The following ADCK2 variants were observed in gnomAD, a reference collection of about 807,000 sequenced individuals.
ADCK2 encodes uncharacterized aarF domain-containing protein kinase 2.
In ADCK2, 37 loss-of-function variants were observed where a neutral mutation model predicts 52.3. The observed-to-expected ratio is 0.71, with a 90% CI of 0.54 to 0.93. The LOEUF is 0.93. Ranked by LOEUF, ADCK2 falls within the 40% of genes least tolerant of loss-of-function variation. The pLI, the probability that ADCK2 is intolerant of heterozygous loss-of-function variation, is 0.00. For synonymous variants in ADCK2, 321 were observed against 349.2 expected (o/e 0.92, Z 0.90); for missense variants, 695 against 798.7 (o/e 0.87, Z 1.56).
intron 2 of ADCK2, among the ~76,000 whole-genome samples, chr7:140,675,670 G>A (rs1011843883): frequency 6.6e-6 from 1 of 152,224 alleles, no homozygotes; most frequent in African/African-American, 2.4e-5. Context: ...GTGAGCTTGG[G>A]AAATACAGTC....
intron 7 of ADCK2, among the ~76,000 whole-genome samples, chr7:140,691,535 A>C (rs1794702272): frequency 1.3e-5 from 2 of 151,948 alleles, no homozygotes; most frequent in Non-Finnish European, 2.9e-5. Context: ...CCCTAGCGGG[A>C]CTGCTGTGGC....
rs1292300382 is a variant in ADCK2 at position 140,674,204 on chromosome 7, C to T, written c.874C>T (p.Arg292Trp). 17 of 1,613,872 alleles carry T rather than the reference C, an allele frequency of 1.1e-5. No individual in the cohort carries two copies. The highest frequency in any genetic ancestry group is 6.7e-5 in the Admixed American group (4 of 59,998). The change falls in exon 1 of 8, where the codon CGG (arginine) becomes TGG (tryptophan). Residue 292 changes from arginine to tryptophan, a missense_variant. Transcript: ENST00000072869. This position sits in a 1 kb window ranked among gnomAD's most constrained non-coding sequence, Gnocchi z 4.6. ...DLVGSNAGVS[R>W]AQVPGHQPEA... ...GGTTGGATCAAATGCAGGGGTGTCT[C>T]GGGCTCAGGTCCCTGGCCACCAACC... is the stretch of plus-strand genomic sequence containing the variant.
chr7:140,681,250 C>A, intron 4 of ADCK2, 113 bp downstream of exon 4: 1 of 949,348 alleles, frequency 1.1e-6, no homozygotes, highest in Non-Finnish European at 1.7e-6. Flanking sequence ...AGCAAGCCGC[C>A]AGGTTGAGAA....
intron 2 of ADCK2, among the ~76,000 whole-genome samples, chr7:140,675,359 G>C (rs964360460): frequency 2.6e-5 from 4 of 152,142 alleles, no homozygotes; most frequent in African/African-American, 7.2e-5. Context: ...TGTCCAGGCT[G>C]ATTTTGAACT....
At chr7:140,681,644 G>A (rs1794518927) in intron 4 of ADCK2, among the ~76,000 whole-genome samples, 1 of 150,622 alleles carries the variant, frequency 6.6e-6, no homozygotes, top group Admixed American at 6.6e-5. Flanking sequence ...TTAAGATAGG[G>A]TCTCACTCTG....
chr7:140,676,904 T>C (rs1044997691), intron 2 of ADCK2, among the ~76,000 whole-genome samples: 2 of 152,032 alleles, frequency 1.3e-5, no homozygotes, highest in Non-Finnish European at 2.9e-5. Context: ...TCACCTGTAG[T>C]CCCAGCTACT....
chr7:140,682,112 C>T (rs539189105), intron 4 of ADCK2, among the ~76,000 whole-genome samples: 8 of 152,308 alleles, frequency 5.3e-5, no homozygotes, highest in African/African-American at 1.7e-4. Context: ...GAATTAAGGG[C>T]TGGGGTTACA....
chr7:140,683,099 G>A lies in ADCK2; in HGVS notation c.1305+1962G>A, dbSNP rs373600950. Among the ~76,000 whole-genome samples the A allele has an allele frequency of 1.2e-4, 18 of 151,038 alleles. 1 individual carries two copies. In the South Asian group the frequency reaches 2.3e-3, roughly 19 times the overall value. ...AGGTGGATCACGAGGTCAGGAGATCGAGACCATCCTGGCCAACATGGTGAA... is the reference window on the plus strand; with the variant it reads ...AGGTGGATCACGAGGTCAGGAGATCAAGACCATCCTGGCCAACATGGTGAA... On this transcript the variant is annotated intron_variant, in intron 4 of 7. Coordinates refer to ENST00000072869, the MANE Select transcript of ADCK2 (RefSeq NM_052853.4).
rs761270477 is a variant in ADCK2, at chr7:140,689,651, G to A, written c.1612G>A (p.Asp538Asn). 3 of 1,613,472 alleles carry A rather than the reference G, an allele frequency of 1.9e-6. No individual in the cohort carries two copies. Among genetic ancestry groups the A allele is most frequent in the Non-Finnish European group, 1.7e-6 (2 of 1,179,632 alleles). Reference sequence around the variant, plus strand: ...TCATGCCCGGGCCAGCGAGTGCAGGGACGTGGAGGGGTTCAAAACCGAGAT... The same window carrying A: ...TCATGCCCGGGCCAGCGAGTGCAGGAACGTGGAGGGGTTCAAAACCGAGAT... Reference protein sequence around the residue: ...LHHARASECRDVEGFKTEMAM... With the variant: ...LHHARASECRNVEGFKTEMAM... Residue 538 changes from aspartate to asparagine, a missense_variant, in exon 6 of 8, where the codon GAC (aspartate) becomes AAC (asparagine). Asp to Asn is a conservative substitution (Grantham distance 23). Transcript: ENST00000072869.
chr7:140,674,550 C>T lies in ADCK2; in HGVS notation c.934-61C>T, dbSNP rs547206281. 2 of 1,566,120 alleles carry T rather than the reference C, an allele frequency of 1.3e-6. No homozygotes were observed. Among genetic ancestry groups the T allele is most frequent in the East Asian group, 2.3e-5 (1 of 44,202 alleles). On this transcript the variant is annotated intron_variant, in intron 1 of 7. Transcript: ENST00000072869. This position sits in a 1 kb window ranked among gnomAD's most constrained non-coding sequence, Gnocchi z 4.6. ...TCTTGCTTGGATGGTGGGACCCAGCCCTGGCTGGGTAAAATGTGTCCAGCA... is the reference window on the plus strand; with the variant it reads ...TCTTGCTTGGATGGTGGGACCCAGCTCTGGCTGGGTAAAATGTGTCCAGCA...
intron 5 of ADCK2, among the ~76,000 whole-genome samples, chr7:140,689,001 T>A (rs1794657226): frequency 6.6e-6 from 1 of 151,918 alleles, no homozygotes; most frequent in Non-Finnish European, 1.5e-5. Flanking sequence ...GGAATCTCAC[T>A]CTGTTCCCTG....
chr7:140,678,345 C>T lies in ADCK2; in HGVS notation c.1081-810C>T, dbSNP rs569074923. On this transcript the variant is annotated intron_variant, in intron 2 of 7. Coordinates refer to ENST00000072869, the MANE Select transcript of ADCK2 (RefSeq NM_052853.4). This position sits in a 1 kb window ranked among gnomAD's most constrained non-coding sequence, Gnocchi z 4.9. ...AGCTTCAGGGTCTCTGGGCTCCCAC[C>T]GGGCCACATCCAGGTGTCATTGGAT... Among the ~76,000 whole-genome samples the T allele has an allele frequency of 4.7e-4, 71 of 152,196 alleles. No homozygotes were observed. The highest frequency in any genetic ancestry group is 8.1e-4 in the Non-Finnish European group (55 of 68,008).
rs1585838638 is a variant in ADCK2, at chr7:140,673,051, G to C, written c.-280G>C. The C allele has an allele frequency of 9.9e-6, 2 of 202,038 alleles. No homozygotes were observed. The highest frequency in any genetic ancestry group is 1.2e-4 in the East Asian group (1 of 8,118). 12.5% of individuals were successfully genotyped at this position (202,038 alleles called of 1,614,324 possible). Reference sequence around the variant, plus strand: ...CCCTCGCTCAGGTCGCGGGCGCCCGGGGCCTGGCTTCGCGTGGGTCCTGGC... The same window carrying C: ...CCCTCGCTCAGGTCGCGGGCGCCCGCGGCCTGGCTTCGCGTGGGTCCTGGC... On this transcript the variant is annotated 5_prime_UTR_variant, in exon 1 of 8. Coordinates refer to ENST00000072869, the MANE Select transcript of ADCK2 (RefSeq NM_052853.4). The surrounding 1 kb of genome is among the most constrained non-coding windows in gnomAD (Gnocchi z 6.4).
chr7:140,686,662 C>T (rs1294793459), intron 4 of ADCK2, among the ~76,000 whole-genome samples: 1 of 152,158 alleles, frequency 6.6e-6, no homozygotes, highest in East Asian at 1.9e-4. Context: ...TCTGTGTAAC[C>T]TTGAACTCCT....
chr7:140,690,763 C>T lies in ADCK2; in HGVS notation c.1690C>T (p.His564Tyr), dbSNP rs1181261291. 6.2e-7 allele frequency: 1 copy of T among 1,613,428 alleles called. No homozygotes were observed. The highest frequency in any genetic ancestry group is 2.2e-5 in the East Asian group (1 of 44,866). The change falls in exon 7 of 8, where the codon CAT becomes TAT. Residue 564 changes from histidine (H) to tyrosine (Y), a missense_variant. His to Tyr is a moderately conservative substitution (Grantham distance 83). Transcript: ENST00000072869. ...RKNTITLEKLHVSSLLSSVFK... is the reference protein window; with the variant it reads ...RKNTITLEKLYVSSLLSSVFK... ...AGCCTTTATTTTGTTTTTCCAGCTT[C>T]ATGTGTCCAGCCTTCTCTCTAGTGT...
intron 5 of ADCK2, among the ~76,000 whole-genome samples, chr7:140,688,470 AG>A (rs749050083): frequency 6.6e-6 from 1 of 152,188 alleles, no homozygotes; most frequent in Non-Finnish European, 1.5e-5. Context: ...GCTGCCCTTA[AG>A]GGGCTTTCTG....
chr7:140,679,145 T>G lies in ADCK2; in HGVS notation c.1081-10T>G. ...ACTAGCCCTCATCCTTTCTGTCCAT[T>G]TCTCTGTAGATTGACCTGCGTTACG... On this transcript the variant is annotated splice_polypyrimidine_tract_variant and intron_variant, in intron 2 of 7. Coordinates refer to ENST00000072869, the MANE Select transcript of ADCK2 (RefSeq NM_052853.4). 1 of 1,613,926 alleles carries G rather than the reference T, an allele frequency of 6.2e-7. No individual in the cohort carries two copies. Among genetic ancestry groups the G allele is most frequent in the Non-Finnish European group, 8.5e-7 (1 of 1,179,882 alleles).
At position 140,693,233 on chromosome 7, in the gene ADCK2, C is replaced by T. The variant is rs1306003079; in HGVS notation, c.1741-1430C>T. ...TAATCCACACTAAGAACCCCCCACCCAGCTTCAGAATGAAAGCATTCCCAG... is the reference window on the plus strand; with the variant it reads ...TAATCCACACTAAGAACCCCCCACCTAGCTTCAGAATGAAAGCATTCCCAG... On this transcript the variant is annotated intron_variant, in intron 7 of 7. Transcript: ENST00000072869. This position sits in a 1 kb window ranked among gnomAD's most constrained non-coding sequence, Gnocchi z 4.0. Among the ~76,000 whole-genome samples the T allele has an allele frequency of 6.6e-6, 1 of 152,180 alleles. No homozygotes were observed. Among genetic ancestry groups the T allele is most frequent in the Non-Finnish European group, 1.5e-5 (1 of 68,038 alleles).
rs1016469303 is a variant in ADCK2, at chr7:140,672,955, C to A, written c.-376C>A. On this transcript the variant is annotated 5_prime_UTR_variant, in exon 1 of 8. Transcript: ENST00000072869. Reference sequence around the variant, plus strand: ...CCTGGGCTGGTGCCCGCCACCCCAGCGATCTCATACTGGCCCCTGGGCGCA... The same window carrying A: ...CCTGGGCTGGTGCCCGCCACCCCAGAGATCTCATACTGGCCCCTGGGCGCA... Among the ~76,000 whole-genome samples the A allele has an allele frequency of 1.5e-4, 22 of 151,200 alleles. No homozygotes were observed. Among genetic ancestry groups the A allele is most frequent in the African/African-American group, 5.1e-4 (21 of 41,282 alleles).
Sources: gnomAD v4.1 joint callset for allele counts (sites outside exome capture counted in the v4.1 genomes callset) on GRCh38, gnomAD v4.1.1 for gene constraint, Gnocchi (gnomAD v3.1) non-coding constraint, MANE v1.5 for transcripts, NCBI Gene and HGNC (gene_info 2026-07-23, HGNC 2026-07-21) for gene names.